Variants in NAP1L1 observed in about 807,000 individuals in gnomAD.
NAP1L1 encodes the protein nucleosome assembly protein 1-like 1.
Under a neutral mutation model 58.9 loss-of-function variants are expected in NAP1L1, and 9 were observed. That is an observed-to-expected ratio of 0.15 (90% CI 0.09 to 0.27). The LOEUF (loss-of-function observed/expected upper bound fraction) is 0.27, where lower values mean the gene tolerates loss of function less well. Ranked by LOEUF, NAP1L1 falls within the 10% of genes least tolerant of loss-of-function variation. The pLI is 1.00. For synonymous variants in NAP1L1, 130 were observed against 138.3 expected (o/e 0.94, Z 0.42); for missense variants, 302 against 458.8 (o/e 0.66, Z 3.12).
At chr12:76,062,641 C>A (rs975858694) in intron 4 of NAP1L1, among the ~76,000 whole-genome samples, 2 of 152,000 alleles carry the variant, frequency 1.3e-5, no homozygotes, top group African/African-American at 2.4e-5. Context: ...ATAAGAGAAA[C>A]AGGATAGATT....
At chr12:76,056,907 A>G (rs1443645777) in intron 6 of NAP1L1, 2 of 268,892 alleles carry the variant, frequency 7.4e-6, no homozygotes, top group Admixed American at 9.5e-5. Flanking sequence ...AGTTACTGGG[A>G]GAAGGAGGCA....
chr12:76,054,938 T>C (rs1258037049), intron 8 of NAP1L1, 81 bp downstream of exon 8: 3 of 1,018,702 alleles, frequency 2.9e-6, no homozygotes, highest in East Asian at 2.5e-5. Flanking sequence ...ACCTTACCCT[T>C]GAATGTTATC....
At chr12:76,063,896 A>T (rs1468199834) in intron 4 of NAP1L1, among the ~76,000 whole-genome samples, 1 of 128,696 alleles carries the variant, frequency 7.8e-6, no homozygotes, top group Non-Finnish European at 1.7e-5. Context: ...AAAAAAAAAA[A>T]AAAAAAGAGG....
In NAP1L1 at chr12:76,045,554, T is replaced by G. The variant is rs1044363271; in HGVS notation, c.*2875A>C. Reference sequence around the variant, plus strand: ...CTGATTAAGTGTGCTAAAACAGAAATAGAGGTAGAATCCCATTTTTCTTAA... The same window carrying G: ...CTGATTAAGTGTGCTAAAACAGAAAGAGAGGTAGAATCCCATTTTTCTTAA... On this transcript the variant is annotated 3_prime_UTR_variant, in exon 15 of 15. Coordinates refer to ENST00000618691, the MANE Select transcript of NAP1L1 (RefSeq NM_004537.7). 2.0e-5 allele frequency: 3 copies of G among 152,040 alleles called. No homozygotes were observed. The highest frequency in any genetic ancestry group is 7.2e-5 in the African/African-American group (3 of 41,446). 9.4% of individuals were successfully genotyped at this position (152,040 alleles called of 1,614,324 possible).
intron 1 of NAP1L1, among the ~76,000 whole-genome samples, chr12:76,083,416 T>G (rs1950483155): frequency 7.3e-6 from 1 of 137,084 alleles, no homozygotes; most frequent in Non-Finnish European, 1.5e-5. Context: ...TGGGCCACAC[T>G]AGAACTGTCT....
In NAP1L1 at chr12:76,056,174, A is replaced by G. The variant is rs112818917; in HGVS notation, c.430-13T>C. The G allele has an allele frequency of 2.5e-6, 4 of 1,605,534 alleles. No individual in the cohort carries two copies. Among genetic ancestry groups the G allele is most frequent in the Non-Finnish European group, 2.5e-6 (3 of 1,177,196 alleles). ...CTTTCAATTCCTCCTTGATTAAGTG[A>G]CAGCAAACATTATTTAATACATAGA... is the stretch of plus-strand genomic sequence containing the variant. On this transcript the variant is annotated splice_polypyrimidine_tract_variant and intron_variant, in intron 6 of 14. Transcript: ENST00000618691.
chr12:76,051,002 G>GGAAAAAAA (rs1948798227), intron 11 of NAP1L1, among the ~76,000 whole-genome samples: 2 of 83,738 alleles, frequency 2.4e-5, no homozygotes, highest in African/African-American at 4.0e-5. Context: ...CTGGGCAACC[G>GGAAAAAAA]AAAAAAAAAA....
Position 76,048,301 on chromosome 12 carries a change from T to C in NAP1L1, c.*128A>G. 1 of 1,012,544 alleles carries C rather than the reference T, an allele frequency of 9.9e-7. No individual in the cohort carries two copies. The highest frequency in any genetic ancestry group is 2.5e-5 in the East Asian group (1 of 39,912). 62.7% of individuals were successfully genotyped at this position (1,012,544 alleles called of 1,614,324 possible). On this transcript the variant is annotated 3_prime_UTR_variant, in exon 15 of 15. Transcript: ENST00000618691. ...ACAAATTGGTCTTTAAAATATCAGTTTCCTGTCCTTTAAAAAAAAATTACC... is the reference window on the plus strand; with the variant it reads ...ACAAATTGGTCTTTAAAATATCAGTCTCCTGTCCTTTAAAAAAAAATTACC...
Position 76,049,837 on chromosome 12 carries a change from G to C in NAP1L1, c.1060-52C>G, listed in dbSNP as rs780754698. ...TTGAGTGAATGTAACACACATTTCA[G>C]AGTAGCATCAGTAACATTTATCACT... On this transcript the variant is annotated intron_variant, in intron 12 of 14. Transcript: ENST00000618691. 1.1e-5 allele frequency: 18 copies of C among 1,589,994 alleles called. No individual in the cohort carries two copies. In the East Asian group the frequency reaches 1.6e-4, roughly 14 times the overall value.
chr12:76,052,697 T>TA (rs1948900678), intron 11 of NAP1L1, among the ~76,000 whole-genome samples: 1 of 152,228 alleles, frequency 6.6e-6, no homozygotes, highest in Non-Finnish European at 1.5e-5. Flanking sequence ...TATGTGAACA[T>TA]ACTTAGTCAC....
At chr12:76,074,943 T>C (rs1950114275) in intron 1 of NAP1L1, among the ~76,000 whole-genome samples, 1 of 152,170 alleles carries the variant, frequency 6.6e-6, no homozygotes, top group South Asian at 2.1e-4. Flanking sequence ...AGACTTGTGG[T>C]TACCAGACCT....
rs1253961086 is a variant in NAP1L1 at position 76,048,369 on chromosome 12, T to C, written c.*60A>G. 1 of 1,571,274 alleles carries C rather than the reference T, an allele frequency of 6.4e-7. No individual in the cohort carries two copies. Among genetic ancestry groups the C allele is most frequent in the African/African-American group, 1.4e-5 (1 of 73,872 alleles). The stretch of plus-strand genomic sequence containing the variant: ...ACAAAAACATAAGGCTGTAAGTAAA[T>C]AAGAGTTGTGTTTAGGCTATTACAG... On this transcript the variant is annotated 3_prime_UTR_variant, in exon 15 of 15. Transcript: ENST00000618691.
rs1948585022 is a variant in NAP1L1, at chr12:76,044,943, A to G, written c.*3486T>C. On this transcript the variant is annotated 3_prime_UTR_variant, in exon 15 of 15. Transcript: ENST00000618691. ...TATCTGGAGTTTTAATCCAGCATACAAAAATCACCAGTATACATCTATTAA... is the reference window on the plus strand; with the variant it reads ...TATCTGGAGTTTTAATCCAGCATACGAAAATCACCAGTATACATCTATTAA... 1.3e-5 allele frequency: 2 copies of G among 152,172 alleles called. No homozygotes were observed. The highest frequency in any genetic ancestry group is 4.8e-5 in the African/African-American group (2 of 41,440). The allele number at this position is 152,172 out of a possible 1,614,324, so 9.4% of individuals were successfully genotyped here.
At position 76,083,367 on chromosome 12, in the gene NAP1L1, A is replaced by C. The variant is rs553797991; in HGVS notation, c.-21+1200T>G. Among the ~76,000 whole-genome samples, 21 of 152,088 alleles carry C rather than the reference A, an allele frequency of 1.4e-4. 2 individuals carry two copies. The South Asian group carries it at 4.4e-3, about 32-fold the overall frequency. On this transcript the variant is annotated intron_variant, in intron 1 of 14. Transcript: ENST00000618691. ...GGGCCAAACATTTTATTTTCATCTA[A>C]GAACCGTTTGCAGGGGTGGTCCGAT...
intron 1 of NAP1L1, among the ~76,000 whole-genome samples, chr12:76,076,105 T>C (rs893072813): frequency 2.0e-5 from 3 of 152,244 alleles, no homozygotes; most frequent in African/African-American, 7.2e-5. Flanking sequence ...TTGCTTTCCA[T>C]GTTCACCTAG....
chr12:76,063,555 T>C (rs1949514083), intron 4 of NAP1L1, among the ~76,000 whole-genome samples: 2 of 152,220 alleles, frequency 1.3e-5, no homozygotes, highest in African/African-American at 2.4e-5. Context: ...CCCAGCACTC[T>C]GGGGAGCCCA....
At chr12:76,058,089 G>C in intron 6 of NAP1L1, 1 of 758,398 alleles carries the variant, frequency 1.3e-6, no homozygotes, top group Non-Finnish European at 2.5e-6. Flanking sequence ...GACAGAAGTA[G>C]ATGATGACAG....
chr12:76,069,638 C>T (rs1001359954), intron 2 of NAP1L1, among the ~76,000 whole-genome samples: 2 of 152,170 alleles, frequency 1.3e-5, no homozygotes, highest in African/African-American at 4.8e-5. Context: ...TCCCTTATGG[C>T]TGTGGAGCAA....
intron 4 of NAP1L1, among the ~76,000 whole-genome samples, chr12:76,063,781 C>T (rs1206490189): frequency 6.7e-6 from 1 of 149,764 alleles, no homozygotes; most frequent in Non-Finnish European, 1.5e-5. Flanking sequence ...GATGACAAAG[C>T]GAGACACTGT....
Sources: allele counts gnomAD v4.1 joint callset (sites outside exome capture counted in the v4.1 genomes callset), GRCh38; gene constraint gnomAD v4.1.1; transcripts MANE v1.5; gene names NCBI Gene and HGNC (gene_info 2026-07-23, HGNC 2026-07-21).